Variants in ARB2A observed in about 807,000 individuals in gnomAD.
The protein encoded by ARB2A is cotranscriptional regulator ARB2A.
chr5:94,065,654 G>T, the ARB2A span, among the ~76,000 whole-genome samples: 2 of 152,092 alleles, frequency 1.3e-5, no homozygotes, highest in African/African-American at 2.4e-5. Flanking sequence ...TAATGATAAA[G>T]GAATCAATTC....
chr5:93,826,260 A>G, the ARB2A span, among the ~76,000 whole-genome samples: 22 of 152,358 alleles, frequency 1.4e-4, no homozygotes, highest in South Asian at 3.5e-3. Context: ...AGAAGCTTGA[A>G]CACTAAAAGA....
chr5:93,855,520 T>C, the ARB2A span, among the ~76,000 whole-genome samples: 3 of 152,162 alleles, frequency 2.0e-5, no homozygotes, highest in Non-Finnish European at 4.4e-5. Flanking sequence ...GCTGGTTATT[T>C]TGCTCGTTAG....
chr5:93,848,399 A>G, the ARB2A span, among the ~76,000 whole-genome samples: 9 of 151,974 alleles, frequency 5.9e-5, no homozygotes, highest in South Asian at 1.2e-3. Flanking sequence ...AAAAAAAAAA[A>G]AAAGAAAAAG....
chr5:93,855,179 T>C, the ARB2A span, among the ~76,000 whole-genome samples: 1 of 152,332 alleles, frequency 6.6e-6, no homozygotes, highest in Non-Finnish European at 1.5e-5. Flanking sequence ...TAGTTAGCTC[T>C]TCTTGTTGAA....
chr5:93,835,305 T>C, the ARB2A span, among the ~76,000 whole-genome samples: 1 of 152,224 alleles, frequency 6.6e-6, no homozygotes, highest in Non-Finnish European at 1.5e-5. Flanking sequence ...ATTTGTGTAA[T>C]TATTTTCTAA....
At chr5:93,671,959 A>G in the ARB2A span, among the ~76,000 whole-genome samples, 10 of 152,322 alleles carry the variant, frequency 6.6e-5, no homozygotes, top group Admixed American at 6.5e-4. Context: ...GCTAGTAAGT[A>G]CTGTCTAAGG....
chr5:93,659,543 A>C, the ARB2A span, among the ~76,000 whole-genome samples: 1 of 152,122 alleles, frequency 6.6e-6, no homozygotes, highest in Non-Finnish European at 1.5e-5. Context: ...TCAGACAGAA[A>C]AAAATTTGAA....
At chr5:93,707,510 T>C in the ARB2A span, among the ~76,000 whole-genome samples, 14 of 152,030 alleles carry the variant, frequency 9.2e-5, no homozygotes, top group Non-Finnish European at 1.8e-4. Flanking sequence ...TATACAAGGG[T>C]ACAAATTTCT....
the ARB2A span, among the ~76,000 whole-genome samples, chr5:93,677,472 T>C: frequency 2.0e-5 from 3 of 152,184 alleles, no homozygotes; most frequent in Non-Finnish European, 2.9e-5. Context: ...CTCAGGCAAG[T>C]GAGCAGGCGT....
chr5:93,844,289 C>G, the ARB2A span, among the ~76,000 whole-genome samples: 2 of 151,732 alleles, frequency 1.3e-5, no homozygotes, highest in Non-Finnish European at 2.9e-5. Flanking sequence ...ACTAACAATA[C>G]AAAAATTAGC....
chr5:93,659,405 T>A, the ARB2A span, among the ~76,000 whole-genome samples: 1 of 152,170 alleles, frequency 6.6e-6, no homozygotes, highest in South Asian at 2.1e-4. Context: ...TTAGACATCA[T>A]GATGTTGCCC....
At chr5:93,871,988 G>A in the ARB2A span, among the ~76,000 whole-genome samples, 1 of 144,198 alleles carries the variant, frequency 6.9e-6, no homozygotes, top group East Asian at 2.0e-4. Flanking sequence ...TCGGTCTATC[G>A]CCCAGGCTGG....
chr5:93,876,923 A>G, the ARB2A span, among the ~76,000 whole-genome samples: 1 of 152,164 alleles, frequency 6.6e-6, no homozygotes, highest in African/African-American at 2.4e-5. Context: ...AATGCTGAAA[A>G]AAATCAATCA....
the ARB2A span, among the ~76,000 whole-genome samples, chr5:93,720,613 TGATA>T: frequency 7.1e-4 from 108 of 152,324 alleles, no homozygotes; most frequent in African/African-American, 2.6e-3. Flanking sequence ...AATCTTCAAC[TGATA>T]CTAGCTCTAT....
At chr5:93,735,536 A>C in the ARB2A span, 12,909 of 152,234 alleles carry the variant, frequency 0.085, 774 homozygotes, top group Middle Eastern at 0.16. Flanking sequence ...TTCACAACAC[A>C]ATCAGAGTTG....
chr5:93,807,129 G>T, the ARB2A span, among the ~76,000 whole-genome samples: 2 of 151,942 alleles, frequency 1.3e-5, no homozygotes, highest in Non-Finnish European at 2.9e-5. Context: ...TGTCTTACCA[G>T]TTCCTCACTA....
the ARB2A span, among the ~76,000 whole-genome samples, chr5:93,847,025 A>G: frequency 1.3e-5 from 2 of 152,238 alleles, no homozygotes; most frequent in African/African-American, 2.4e-5. Context: ...CCTTGTATCA[A>G]TTAAGTTTAC....
At chr5:93,836,782 A>C in the ARB2A span, among the ~76,000 whole-genome samples, 2 of 152,224 alleles carry the variant, frequency 1.3e-5, no homozygotes, top group African/African-American at 4.8e-5. Flanking sequence ...GACATTATTC[A>C]GTCCCAAAAT....
the ARB2A span, among the ~76,000 whole-genome samples, chr5:93,785,597 A>T: frequency 6.6e-6 from 1 of 152,084 alleles, no homozygotes; most frequent in Non-Finnish European, 1.5e-5. Context: ...TCTCTCTCTT[A>T]ATTTTTTTTA....
Sources: allele counts gnomAD v4.1 joint callset (sites outside exome capture counted in the v4.1 genomes callset), GRCh38; gene constraint gnomAD v4.1.1; transcripts MANE v1.5; gene names NCBI Gene and HGNC (gene_info 2026-07-23, HGNC 2026-07-21).